The following EIF2AK4 variants were observed in gnomAD, a reference collection of about 807,000 sequenced individuals.
The protein encoded by EIF2AK4 is eukaryotic translation initiation factor 2 alpha kinase 4.
Under a neutral mutation model 211.1 loss-of-function variants are expected in EIF2AK4, and 139 were observed. That is an observed-to-expected ratio of 0.66 (90% CI 0.57 to 0.76). EIF2AK4 has a LOEUF of 0.76. EIF2AK4 is among the 30% of genes least tolerant of loss of function. The pLI, the probability that EIF2AK4 is intolerant of heterozygous loss-of-function variation, is 0.00. For synonymous variants in EIF2AK4, 710 were observed against 751.3 expected (o/e 0.94, Z 0.90); for missense variants, 1,664 against 2,043.8 (o/e 0.81, Z 3.58).
intron 14 of EIF2AK4, among the ~76,000 whole-genome samples, chr15:39,987,120 G>C (rs919931500): frequency 6.6e-6 from 1 of 152,188 alleles, no homozygotes; most frequent in Admixed American, 6.5e-5. Context: ...CACTTACACA[G>C]ATAATAAAGC....
At chr15:39,936,152 C>T (rs1002489463) in intron 1 of EIF2AK4, among the ~76,000 whole-genome samples, 2 of 152,130 alleles carry the variant, frequency 1.3e-5, no homozygotes, top group Non-Finnish European at 2.9e-5. Flanking sequence ...ATATTGATAA[C>T]CTCAAGAATT....
chr15:40,025,537 G>C (rs1172652973), intron 32 of EIF2AK4, among the ~76,000 whole-genome samples: 1 of 152,118 alleles, frequency 6.6e-6, no homozygotes, highest in South Asian at 2.1e-4. Flanking sequence ...AGAAAGGAGA[G>C]GGAGGAGTGG....
In EIF2AK4 at chr15:39,934,274, C is replaced by G; in HGVS notation, c.79C>G (p.Leu27Val). ...ESYPQRQDHELQALEAIYGAD... is the reference protein window; with the variant it reads ...ESYPQRQDHEVQALEAIYGAD... ...CTACCCGCAACGACAGGACCACGAG[C>G]TACAGGCCCTGGAGGCCATTTACGG... is the stretch of plus-strand genomic sequence containing the variant. Residue 27 changes from leucine to valine, a missense_variant, in exon 1 of 39, where the codon CTA becomes GTA. Coordinates refer to ENST00000263791, the MANE Select transcript of EIF2AK4 (RefSeq NM_001013703.4). The G allele has an allele frequency of 6.2e-7, 1 of 1,611,850 alleles. No homozygotes were observed. Among genetic ancestry groups the G allele is most frequent in the Non-Finnish European group, 8.5e-7 (1 of 1,179,084 alleles).
rs4594236 is a variant in EIF2AK4, at chr15:40,035,089, A to G, written c.*5A>G. On this transcript the variant is annotated 3_prime_UTR_variant, in exon 39 of 39. Coordinates refer to ENST00000263791, the MANE Select transcript of EIF2AK4 (RefSeq NM_001013703.4). ...TACTACAGAATCTTATTTTAACCCTAAAGAACTGTCGTTAACCTCATTCAA... is the reference window on the plus strand; with the variant it reads ...TACTACAGAATCTTATTTTAACCCTGAAGAACTGTCGTTAACCTCATTCAA... The G allele has an allele frequency of 0.072, 113,362 of 1,566,890 alleles. 13,168 individuals are homozygous for G. Among genetic ancestry groups the G allele is most frequent in the East Asian group, 0.44 (19,505 of 44,080 alleles).
chr15:39,945,965 AT>A (rs1336593177), intron 3 of EIF2AK4, among the ~76,000 whole-genome samples: 5 of 152,212 alleles, frequency 3.3e-5, no homozygotes, highest in Non-Finnish European at 7.3e-5. Flanking sequence ...GAAAAAAAAG[AT>A]TCCCTTTAAA....
intron 1 of EIF2AK4, among the ~76,000 whole-genome samples, chr15:39,935,303 A>G (rs2034048217): frequency 6.6e-6 from 1 of 151,400 alleles, no homozygotes; most frequent in Admixed American, 6.6e-5. Flanking sequence ...ATATTATCAT[A>G]TTATCATTTA....
intron 17 of EIF2AK4, 140 bp downstream of exon 17, chr15:39,992,369 G>T (rs1363715816): frequency 1.6e-6 from 1 of 624,072 alleles, no homozygotes; most frequent in Non-Finnish European, 2.6e-6. Context: ...TTATGGAAAC[G>T]TTTTAATCTT....
At chr15:40,023,475 T>G (rs1029461095) in intron 32 of EIF2AK4, among the ~76,000 whole-genome samples, 4 of 152,234 alleles carry the variant, frequency 2.6e-5, no homozygotes, top group Admixed American at 1.3e-4. Flanking sequence ...CTCAAATATT[T>G]CTATATATAG....
At position 39,990,356 on chromosome 15, in the gene EIF2AK4, G is replaced by A. The variant is rs751810384; in HGVS notation, c.2610G>A (p.Ala870=). 1.4e-5 allele frequency: 22 copies of A among 1,614,100 alleles called. No homozygotes were observed. Among genetic ancestry groups the A allele is most frequent in the South Asian group, 8.8e-5 (8 of 91,074 alleles). ...TGAAAATAGGTGATTTTGGTTTGGCGACAGACCATCTAGCCTTTTCTGTAA... is the reference window on the plus strand; with the variant it reads ...TGAAAATAGGTGATTTTGGTTTGGCAACAGACCATCTAGCCTTTTCTGTAA... ...DHVKIGDFGL[A]TDHLAFSADS... Residue 870 remains alanine, a synonymous_variant, in exon 16 of 39, where the codon GCG becomes GCA. Coordinates refer to ENST00000263791, the MANE Select transcript of EIF2AK4 (RefSeq NM_001013703.4).
intron 13 of EIF2AK4, among the ~76,000 whole-genome samples, chr15:39,980,504 A>G (rs1303254158): frequency 6.6e-6 from 1 of 152,206 alleles, no homozygotes; most frequent in Admixed American, 6.5e-5. Context: ...AAAGGCAGTA[A>G]TTTTTGAAAT....
At chr15:40,009,470 A>G in intron 25 of EIF2AK4, 144 bp from the exon 26 acceptor site, 1 of 539,936 alleles carries the variant, frequency 1.9e-6, no homozygotes, top group Non-Finnish European at 3.2e-6. Context: ...AGAATGTATG[A>G]AAAAAAAATA....
chr15:40,007,975 A>G (rs2035183649), intron 24 of EIF2AK4, 52 bp from the exon 25 acceptor site: 3 of 1,321,140 alleles, frequency 2.3e-6, no homozygotes, highest in East Asian at 2.7e-5. Context: ...TTTCTTATAC[A>G]TATTTCTTTC....
At chr15:39,942,504 A>C (rs2034159275) in intron 2 of EIF2AK4, among the ~76,000 whole-genome samples, 1 of 152,246 alleles carries the variant, frequency 6.6e-6, no homozygotes, top group Non-Finnish European at 1.5e-5. Context: ...GTGCATACTC[A>C]AGACTTCACT....
intron 3 of EIF2AK4, chr15:39,946,523 G>T (rs1308491301): frequency 5.7e-6 from 4 of 701,890 alleles, no homozygotes; most frequent in African/African-American, 3.5e-5. Flanking sequence ...TCCTGAAGAT[G>T]CTGTGAACAT....
chr15:40,032,666 CCTATTCATACTG>C, intron 36 of EIF2AK4, 79 bp from the exon 37 acceptor site: 1 of 1,201,002 alleles, frequency 8.3e-7, no homozygotes. Context: ...CTCTGCAAAC[CCTATTCATACTG>C]CTGCATTTCA....
At chr15:40,001,531 G>A (rs571309856) in intron 21 of EIF2AK4, among the ~76,000 whole-genome samples, 1 of 151,404 alleles carries the variant, frequency 6.6e-6, no homozygotes, top group African/African-American at 2.4e-5. Flanking sequence ...CCGGGAGGCT[G>A]AGGCAGGAGA....
rs201606949 is a variant in EIF2AK4, at chr15:39,988,043, A to G, written c.2464A>G (p.Thr822Ala). ...DTIDQGLYRD[T>A]VRLWRLFREI... is the part of the protein sequence containing the mutation. ...CATTGACCAGGGACTGTATCGAGAC[A>G]CCGTCAGACTCTGGAGGCTTTTTCG... Residue 822 changes from threonine to alanine, a missense_variant, in exon 15 of 39, where the codon ACC becomes GCC. By Grantham distance (58) the Thr-to-Ala change is moderately conservative (BLOSUM62 0). Around this residue, in one of 7 missense-constraint regions of EIF2AK4, gnomAD observed 622 missense variants for 796.8 expected, o/e 0.78. Coordinates refer to ENST00000263791, the MANE Select transcript of EIF2AK4 (RefSeq NM_001013703.4). 5.0e-6 allele frequency: 8 copies of G among 1,614,150 alleles called. No homozygotes were observed. The East Asian group carries it at 1.8e-4, about 36-fold the overall frequency.
In EIF2AK4 at chr15:40,011,355, C is replaced by T. The variant is rs1202493419; in HGVS notation, c.3759+9C>T. On this transcript the variant is annotated intron_variant, in intron 27 of 38. Coordinates refer to ENST00000263791, the MANE Select transcript of EIF2AK4 (RefSeq NM_001013703.4). ...CTTTGTCTTCTAATAGTGTAAGTAC[C>T]TTCTAATGGTATTATTACAGCTTTC... is the stretch of plus-strand genomic sequence containing the variant. 2.5e-6 allele frequency: 4 copies of T among 1,601,290 alleles called. No homozygotes were observed. The highest frequency in any genetic ancestry group is 2.2e-5 in the East Asian group (1 of 44,724).
rs2034625853 is a variant in EIF2AK4 at position 39,971,600 on chromosome 15, C to G, written c.1554-1308C>G. Among the ~76,000 whole-genome samples, 3 of 151,856 alleles carry G rather than the reference C, an allele frequency of 2.0e-5. No individual in the cohort carries two copies. The South Asian group carries it at 6.3e-4, about 32-fold the overall frequency. On this transcript the variant is annotated intron_variant, in intron 9 of 38. Coordinates refer to ENST00000263791, the MANE Select transcript of EIF2AK4 (RefSeq NM_001013703.4). ...AGCATGGTGGTACACGCCTGTAGTC[C>G]CAGTTACTCAGGAGGCTGAGGCAAG...
Sources: allele counts gnomAD v4.1 joint callset (sites outside exome capture counted in the v4.1 genomes callset), GRCh38; gene constraint gnomAD v4.1.1; regional missense constraint gnomAD v4.1.1; transcripts MANE v1.5; gene names NCBI Gene and HGNC (gene_info 2026-07-23, HGNC 2026-07-21).